The following ZNF804B variants were observed in gnomAD, a reference collection of about 807,000 sequenced individuals.
ZNF804B encodes the protein zinc finger 804B.
Under a neutral mutation model 101.4 loss-of-function variants are expected in ZNF804B, and 80 were observed. That is an observed-to-expected ratio of 0.79 (90% CI 0.66 to 0.95). ZNF804B has a LOEUF of 0.95. Ranked by LOEUF, ZNF804B falls within the 40% of genes least tolerant of loss-of-function variation. The pLI, the probability that ZNF804B is intolerant of heterozygous loss-of-function variation, is 0.00. For missense variants in ZNF804B, 1,673 were observed against 1,561.9 expected, an observed-to-expected ratio of 1.07 and a Z score of -1.20; for synonymous variants, 622 against 558.8, an observed-to-expected ratio of 1.11 and a Z score of -1.59.
At chr7:88,794,976 G>C (rs370603378) in intron 1 of ZNF804B, 1 of 1,510,698 alleles carries the variant, frequency 6.6e-7, no homozygotes. Flanking sequence ...GATGATTCCA[G>C]CTTTTAGCTT....
In ZNF804B at chr7:89,285,548, AGAAGAAG is replaced by A. The variant is rs369959049; in HGVS notation, c.250-41795_250-41789del. 7.7e-4 allele frequency among the ~76,000 whole-genome samples: 68 copies of A among 88,348 alleles called. 3 individuals carry two copies. The highest frequency in any genetic ancestry group is 3.1e-3 in the African/African-American group (58 of 18,928). 58.0% of individuals were successfully genotyped at this position (88,348 alleles called of 152,430 possible). Reference sequence around the variant, plus strand: ...AAAAAAAAAAAAAAAAAAAAAAAAAAGAAGAAGAAGAAGAAGAAGAAGAAGAAGAAAA... The same window carrying A: ...AAAAAAAAAAAAAAAAAAAAAAAAAAAAGAAGAAGAAGAAGAAGAAGAAAA... On this transcript the variant is annotated intron_variant, in intron 2 of 3. Coordinates refer to ENST00000333190, the MANE Select transcript of ZNF804B (RefSeq NM_181646.5).
At chr7:89,301,888 A>T (rs1318090881) in intron 2 of ZNF804B, among the ~76,000 whole-genome samples, 1 of 151,886 alleles carries the variant, frequency 6.6e-6, no homozygotes, top group African/African-American at 2.4e-5. Flanking sequence ...ATAAGATCTT[A>T]CCTGCAACAC....
At chr7:88,868,219 A>T (rs1385393392) in intron 1 of ZNF804B, among the ~76,000 whole-genome samples, 1 of 152,002 alleles carries the variant, frequency 6.6e-6, no homozygotes, top group Admixed American at 6.6e-5. Flanking sequence ...GCCTGACTGT[A>T]CCTACTTTCC....
intron 1 of ZNF804B, among the ~76,000 whole-genome samples, chr7:88,856,047 C>T (rs1283517532): frequency 6.6e-6 from 1 of 152,118 alleles, no homozygotes; most frequent in Non-Finnish European, 1.5e-5. Flanking sequence ...ATGATGCCTC[C>T]AGCTTTGTTC....
At chr7:89,161,430 A>G (rs1198887678) in intron 1 of ZNF804B, among the ~76,000 whole-genome samples, 1 of 152,108 alleles carries the variant, frequency 6.6e-6, no homozygotes, top group Non-Finnish European at 1.5e-5. Flanking sequence ...CACATGAAAT[A>G]ATGGCTTATG....
intron 2 of ZNF804B, among the ~76,000 whole-genome samples, chr7:89,294,706 A>G (rs1368395938): frequency 6.6e-6 from 1 of 151,812 alleles, no homozygotes; most frequent in African/African-American, 2.4e-5. Flanking sequence ...ACTGATATTA[A>G]AATTTTAGGG....
chr7:88,825,914 A>G (rs1791044740), intron 1 of ZNF804B, among the ~76,000 whole-genome samples: 1 of 152,152 alleles, frequency 6.6e-6, no homozygotes, highest in African/African-American at 2.4e-5. Context: ...GGTGAAATAT[A>G]GAACAAATAG....
At chr7:89,279,947 G>A (rs1461465701) in intron 2 of ZNF804B, among the ~76,000 whole-genome samples, 3 of 151,954 alleles carry the variant, frequency 2.0e-5, no homozygotes, top group Non-Finnish European at 4.4e-5. Context: ...CAAATCAACA[G>A]AATATACATT....
rs549856069 is a variant in ZNF804B, at chr7:88,926,162, C to A, written c.108+166078C>A. Among the ~76,000 whole-genome samples the A allele has an allele frequency of 9.9e-5, 15 of 152,234 alleles. No homozygotes were observed. The East Asian group carries it at 2.5e-3, about 25-fold the overall frequency. On this transcript the variant is annotated intron_variant, in intron 1 of 3. Transcript: ENST00000333190. ...TCATTACTGCATTCTGGATGTTAAG[C>A]TGAAGCATCTGATAAACCTTTTAAT...
intron 1 of ZNF804B, among the ~76,000 whole-genome samples, chr7:89,186,935 C>T (rs1016937769): frequency 3.3e-5 from 5 of 152,146 alleles, no homozygotes; most frequent in Non-Finnish European, 7.4e-5. Flanking sequence ...GGAAACAACA[C>T]GGGGACCTCC....
intron 1 of ZNF804B, among the ~76,000 whole-genome samples, chr7:88,793,770 G>A (rs1336925163): frequency 6.6e-6 from 1 of 152,060 alleles, no homozygotes; most frequent in Non-Finnish European, 1.5e-5. Context: ...TCAAGGGTGG[G>A]ATTTTTCTTC....
intron 1 of ZNF804B, among the ~76,000 whole-genome samples, chr7:89,005,059 TC>T (rs1472599838): frequency 2.0e-5 from 3 of 152,014 alleles, no homozygotes; most frequent in African/African-American, 7.2e-5. Flanking sequence ...ACAGTATCTA[TC>T]CTGGGCTTCA....
At chr7:88,788,974 C>T (rs1790341705) in intron 1 of ZNF804B, among the ~76,000 whole-genome samples, 2 of 152,056 alleles carry the variant, frequency 1.3e-5, no homozygotes, top group Non-Finnish European at 2.9e-5. Flanking sequence ...TTTATATCTA[C>T]TTATGCTTAA....
chr7:89,061,529 C>A (rs1762265488), intron 1 of ZNF804B, among the ~76,000 whole-genome samples: 1 of 151,956 alleles, frequency 6.6e-6, no homozygotes, highest in African/African-American at 2.4e-5. Flanking sequence ...ACAGTCCATG[C>A]CCTCTCCTGA....
At chr7:89,071,090 A>G (rs977778622) in intron 1 of ZNF804B, among the ~76,000 whole-genome samples, 7 of 152,098 alleles carry the variant, frequency 4.6e-5, no homozygotes, top group Admixed American at 6.5e-5. Flanking sequence ...TACTAATACT[A>G]TGTACATAAT....
At chr7:89,251,337 T>G (rs2115788727) in intron 2 of ZNF804B, among the ~76,000 whole-genome samples, 1 of 151,990 alleles carries the variant, frequency 6.6e-6, no homozygotes, top group South Asian at 2.1e-4. Context: ...ACAATTTCAT[T>G]TACAATAGCC....
chr7:89,214,622 A>G (rs764776478), intron 1 of ZNF804B, among the ~76,000 whole-genome samples: 3 of 152,178 alleles, frequency 2.0e-5, no homozygotes, highest in African/African-American at 7.2e-5. Context: ...TGTGTATATA[A>G]TGCTATGTGA....
chr7:89,259,093 T>G (rs149280987), intron 2 of ZNF804B, among the ~76,000 whole-genome samples: 239 of 152,342 alleles, frequency 1.6e-3, no homozygotes, highest in Middle Eastern at 6.8e-3. Context: ...AAAAGTAGTC[T>G]TAAATAATCA....
chr7:89,275,485 G>C (rs1789967351), intron 2 of ZNF804B, among the ~76,000 whole-genome samples: 2 of 151,920 alleles, frequency 1.3e-5, no homozygotes, highest in African/African-American at 4.8e-5. Context: ...TGCTTTCTTT[G>C]AATCCAGTGC....
Sources: allele counts gnomAD v4.1 joint callset (sites outside exome capture counted in the v4.1 genomes callset), GRCh38; gene constraint gnomAD v4.1.1; transcripts MANE v1.5; gene names NCBI Gene and HGNC (gene_info 2026-07-23, HGNC 2026-07-21).